PRR16: variants seen among roughly 807,000 people sequenced by gnomAD.
PRR16 encodes protein Largen.
A neutral mutation model predicts 18.2 loss-of-function variants in PRR16; 6 were observed. The ratio of observed to expected loss-of-function variants is 0.33; its 90% CI spans 0.18 to 0.65. The LOEUF is 0.65. PRR16 is among the 30% of genes least tolerant of loss of function. PRR16 has a pLI of 0.74. For synonymous variants in PRR16, 151 were observed against 147.8 expected, an observed-to-expected ratio of 1.02 and a Z score of -0.16; for missense variants, 412 against 376.6, an observed-to-expected ratio of 1.09 and a Z score of -0.78.
At chr5:120,495,971 C>G (rs1291191401) in intron 1 of PRR16, among the ~76,000 whole-genome samples, 11 of 151,738 alleles carry the variant, frequency 7.2e-5, no homozygotes, top group Non-Finnish European at 1.2e-4. Flanking sequence ...TGCTCTGTGT[C>G]AACTTAAAGA....
chr5:120,565,356 A>G (rs1261113053), intron 1 of PRR16, among the ~76,000 whole-genome samples: 1 of 152,226 alleles, frequency 6.6e-6, no homozygotes. Context: ...ACCTAGATAT[A>G]GAAAGTGGTA....
chr5:120,753,008 AT>A, the PRR16 span, among the ~76,000 whole-genome samples: 1 of 151,916 alleles, frequency 6.6e-6, no homozygotes, highest in Non-Finnish European at 1.5e-5. Flanking sequence ...CACACTAAGG[AT>A]TTTTTATTTT....
At chr5:120,742,707 C>T in the PRR16 span, among the ~76,000 whole-genome samples, 1 of 152,112 alleles carries the variant, frequency 6.6e-6, no homozygotes, top group Admixed American at 6.6e-5. Flanking sequence ...TTACCACAAA[C>T]TCTGTGGCTT....
the PRR16 span, among the ~76,000 whole-genome samples, chr5:120,712,223 A>G: frequency 1.3e-5 from 2 of 152,160 alleles, no homozygotes; most frequent in Non-Finnish European, 2.9e-5. Flanking sequence ...GTGGTAAGAG[A>G]ACTTAAAATC....
chr5:120,753,901 T>C, the PRR16 span, among the ~76,000 whole-genome samples: 1 of 121,540 alleles, frequency 8.2e-6, no homozygotes, highest in South Asian at 2.3e-4. Flanking sequence ...ATAATATATA[T>C]TTATAAATCT....
At chr5:120,778,848 G>C in the PRR16 span, among the ~76,000 whole-genome samples, 1 of 152,114 alleles carries the variant, frequency 6.6e-6, no homozygotes, top group Admixed American at 6.5e-5. Flanking sequence ...GCATTTGATC[G>C]CTTGTCTAAT....
chr5:120,772,219 C>T, the PRR16 span, among the ~76,000 whole-genome samples: 1 of 152,024 alleles, frequency 6.6e-6, no homozygotes, highest in Admixed American at 6.6e-5. Flanking sequence ...CTGTTTTCTT[C>T]CTTTTTAACT....
At chr5:120,701,560 T>A in the PRR16 span, among the ~76,000 whole-genome samples, 4 of 151,522 alleles carry the variant, frequency 2.6e-5, no homozygotes, top group African/African-American at 9.7e-5. Context: ...GGACCAGGTG[T>A]GAGGAGGGGA....
intron 1 of PRR16, among the ~76,000 whole-genome samples, chr5:120,494,352 T>A (rs1304891481): frequency 6.6e-6 from 1 of 152,134 alleles, no homozygotes; most frequent in African/African-American, 2.4e-5. Context: ...GTCTTTTATT[T>A]TTTTGTAGTG....
intron 1 of PRR16, among the ~76,000 whole-genome samples, chr5:120,611,561 C>G (rs1209834561): frequency 6.6e-6 from 1 of 152,240 alleles, no homozygotes; most frequent in African/African-American, 2.4e-5. Context: ...AAAGCTCAAA[C>G]TGTGGCTTCA....
intron 1 of PRR16, among the ~76,000 whole-genome samples, chr5:120,620,872 T>C (rs1754666808): frequency 6.6e-6 from 1 of 152,154 alleles, no homozygotes; most frequent in East Asian, 1.9e-4. Flanking sequence ...TATCATTAGC[T>C]TCTCCCCATC....
At chr5:120,698,225 G>T in the PRR16 span, among the ~76,000 whole-genome samples, 1 of 152,000 alleles carries the variant, frequency 6.6e-6, no homozygotes, top group African/African-American at 2.4e-5. Flanking sequence ...AGATTTTGTG[G>T]TAAGGGGTGA....
chr5:120,617,079 C>G (rs919758246), intron 1 of PRR16: 9 of 981,566 alleles, frequency 9.2e-6, no homozygotes, highest in Non-Finnish European at 1.1e-5. Flanking sequence ...TTAAAGTTTT[C>G]TAATTTTTTT....
the PRR16 span, among the ~76,000 whole-genome samples, chr5:120,764,485 G>T: frequency 6.6e-6 from 1 of 151,438 alleles, no homozygotes; most frequent in East Asian, 1.9e-4. Context: ...GATTTTTTGT[G>T]TCTATATTCT....
chr5:120,784,276 A>T, the PRR16 span, among the ~76,000 whole-genome samples: 1 of 152,062 alleles, frequency 6.6e-6, no homozygotes, highest in Non-Finnish European at 1.5e-5. Flanking sequence ...TTTTTTGAGG[A>T]TTCTTCATAC....
the PRR16 span, among the ~76,000 whole-genome samples, chr5:120,702,403 G>T: frequency 7.2e-5 from 11 of 151,966 alleles, no homozygotes; most frequent in African/African-American, 2.7e-4. Context: ...CGCTAAGAGT[G>T]AAGGAGAAGG....
the PRR16 span, among the ~76,000 whole-genome samples, chr5:120,716,475 A>G: frequency 6.6e-6 from 1 of 152,188 alleles, no homozygotes; most frequent in Non-Finnish European, 1.5e-5. Context: ...CAGCTGTTTC[A>G]GCAACTGTAT....
At chr5:120,481,800 T>C (rs1749626152) in intron 1 of PRR16, among the ~76,000 whole-genome samples, 3 of 152,198 alleles carry the variant, frequency 2.0e-5, no homozygotes, top group Admixed American at 1.3e-4. Context: ...TCAATTTGCC[T>C]AGAATAATTT....
At chr5:120,557,830 T>A (rs185995733) in intron 1 of PRR16, among the ~76,000 whole-genome samples, 1 of 152,038 alleles carries the variant, frequency 6.6e-6, no homozygotes, top group Non-Finnish European at 1.5e-5. Context: ...TTAATGTAGA[T>A]ACTTCTGAAA....
Sources: allele counts gnomAD v4.1 joint callset (sites outside exome capture counted in the v4.1 genomes callset), GRCh38; gene constraint gnomAD v4.1.1; transcripts MANE v1.5; gene names NCBI Gene and HGNC (gene_info 2026-07-23, HGNC 2026-07-21).